BCAT1: variants seen among roughly 807,000 people sequenced by gnomAD.
BCAT1 encodes branched chain amino acid transaminase 1.
BCAT1 carries 48 observed loss-of-function variants against 52.4 expected under a neutral mutation model. The observed-to-expected ratio is 0.92, with a 90% CI of 0.73 to 1.16. BCAT1 has a LOEUF of 1.16. BCAT1 is among the 50% of genes most tolerant of loss of function. BCAT1 has a pLI of 0.00. For missense variants in BCAT1, 451 were observed against 457.1 expected (o/e 0.99, Z 0.12); for synonymous variants, 167 against 161.3 (o/e 1.04, Z -0.27).
At chr12:24,859,423 A>G (rs570107089) in intron 5 of BCAT1, among the ~76,000 whole-genome samples, 1 of 152,184 alleles carries the variant, frequency 6.6e-6, no homozygotes, top group South Asian at 2.1e-4. Context: ...GATGGAGACC[A>G]TCCTGGCTAA....
intron 9 of BCAT1, 125 bp from the exon 10 acceptor site, chr12:24,830,022 C>T (rs1203594987): frequency 1.7e-6 from 1 of 598,438 alleles, no homozygotes; most frequent in Non-Finnish European, 2.8e-6. Flanking sequence ...AGCACTAAAA[C>T]CTACTGACTC....
At chr12:24,843,260 A>ATAT (rs1941226989) in intron 6 of BCAT1, among the ~76,000 whole-genome samples, 1 of 152,130 alleles carries the variant, frequency 6.6e-6, no homozygotes, top group African/African-American at 2.4e-5. Context: ...GGTCTCTTAG[A>ATAT]CTCTTTTACA....
intron 3 of BCAT1, among the ~76,000 whole-genome samples, chr12:24,882,292 T>C (rs924675356): frequency 6.6e-6 from 1 of 151,878 alleles, no homozygotes; most frequent in African/African-American, 2.4e-5. Flanking sequence ...AACTAAACCA[T>C]AGGTCACAGA....
Position 24,907,415 on chromosome 12 carries a change from A to G in BCAT1, c.7-5530T>C, listed in dbSNP as rs186884476. Among the ~76,000 whole-genome samples the G allele has an allele frequency of 7.2e-5, 11 of 152,332 alleles. No homozygotes were observed. The East Asian group carries it at 2.1e-3, about 29-fold the overall frequency. The stretch of plus-strand genomic sequence containing the variant: ...CATGTCTGTCAGGCCTCTGAGCCCA[A>G]GCTAATCCATCATATCCCCTGTGAC... On this transcript the variant is annotated intron_variant, in intron 1 of 10. Transcript: ENST00000261192.
chr12:24,857,772 C>T (rs576048937), intron 5 of BCAT1, among the ~76,000 whole-genome samples: 27 of 152,154 alleles, frequency 1.8e-4, no homozygotes, highest in Non-Finnish European at 3.7e-4. Context: ...CATTGTGTTA[C>T]CTAATGTTTT....
chr12:24,831,103 C>T (rs1434939938), intron 9 of BCAT1, among the ~76,000 whole-genome samples: 1 of 151,260 alleles, frequency 6.6e-6, no homozygotes, highest in Non-Finnish European at 1.5e-5. Context: ...ACCAATCCCT[C>T]CTCCTCCTCC....
Position 24,834,546 on chromosome 12 carries a change from GTATTTTTTC to G in BCAT1, c.904-1692_904-1684del, listed in dbSNP as rs554198867. On this transcript the variant is annotated intron_variant, in intron 8 of 10. Transcript: ENST00000261192. ...AGAGAGGTTTAAAAAAATAAGATGA[GTATTTTTTC>G]TTAATTTATAAACCCACAAGAGATA... 150 of 971,344 alleles carry G rather than the reference GTATTTTTTC, an allele frequency of 1.5e-4. 2 individuals carry two copies. The South Asian group carries it at 5.8e-3, about 37-fold the overall frequency. 60.2% of individuals were successfully genotyped at this position (971,344 alleles called of 1,614,324 possible). A position where few individuals can be genotyped will look rare whatever the true frequency, so the allele number is the denominator to read the frequency against.
At chr12:24,856,330 C>T (rs1211875225) in intron 5 of BCAT1, among the ~76,000 whole-genome samples, 1 of 152,184 alleles carries the variant, frequency 6.6e-6, no homozygotes, top group African/African-American at 2.4e-5. Flanking sequence ...ATATGCTCTA[C>T]TGCACTACTT....
intron 1 of BCAT1, among the ~76,000 whole-genome samples, chr12:24,905,240 T>C (rs1296421247): frequency 6.6e-6 from 1 of 152,204 alleles, no homozygotes; most frequent in Non-Finnish European, 1.5e-5. Context: ...CTGACTGTCA[T>C]ACAGGTATAA....
chr12:24,846,553 T>C (rs528108310), intron 6 of BCAT1, among the ~76,000 whole-genome samples: 56 of 152,352 alleles, frequency 3.7e-4, no homozygotes, highest in African/African-American at 1.2e-3. Flanking sequence ...AATTCTATTA[T>C]GTAAAATTTA....
chr12:24,873,821 A>C (rs1156888607), intron 5 of BCAT1, among the ~76,000 whole-genome samples: 1 of 152,258 alleles, frequency 6.6e-6, no homozygotes, highest in Non-Finnish European at 1.5e-5. Context: ...ATTTCCATGC[A>C]CTGGTAGCCT....
intron 7 of BCAT1, 109 bp from the exon 8 acceptor site, chr12:24,836,705 T>C: frequency 1.1e-6 from 1 of 929,816 alleles, no homozygotes; most frequent in Non-Finnish European, 1.7e-6. Flanking sequence ...GCAACAAACA[T>C]AAAGAAAATT....
At chr12:24,919,309 A>T (rs974897319) in intron 1 of BCAT1, among the ~76,000 whole-genome samples, 5 of 152,220 alleles carry the variant, frequency 3.3e-5, no homozygotes, top group Non-Finnish European at 7.3e-5. Context: ...AGACAGTGAA[A>T]TGTCCGCAGG....
intron 1 of BCAT1, among the ~76,000 whole-genome samples, chr12:24,907,447 G>A (rs1163771036): frequency 6.6e-6 from 1 of 152,206 alleles, no homozygotes; most frequent in Admixed American, 6.5e-5. Context: ...TGACCTGCAC[G>A]TATACATCCA....
intron 5 of BCAT1, among the ~76,000 whole-genome samples, chr12:24,876,238 C>A (rs1591829874): frequency 4.3e-5 from 4 of 93,098 alleles, no homozygotes; most frequent in Non-Finnish European, 6.1e-5. Flanking sequence ...AAAACTAGAT[C>A]AAGAGGAAGA....
chr12:24,841,359 T>C (rs895492944), intron 7 of BCAT1, among the ~76,000 whole-genome samples: 1 of 152,240 alleles, frequency 6.6e-6, no homozygotes, highest in Non-Finnish European at 1.5e-5. Context: ...ATCAGTACAC[T>C]GCATTTATTA....
intron 1 of BCAT1, among the ~76,000 whole-genome samples, chr12:24,913,318 C>CA (rs1416433504): frequency 6.6e-6 from 1 of 152,118 alleles, no homozygotes; most frequent in Non-Finnish European, 1.5e-5. Flanking sequence ...GCTTATCTAC[C>CA]AAGCAGGACC....
chr12:24,913,797 G>A (rs1332406026), intron 1 of BCAT1, among the ~76,000 whole-genome samples: 1 of 152,162 alleles, frequency 6.6e-6, no homozygotes, highest in East Asian at 1.9e-4. Context: ...TCTGGGTGTG[G>A]TGCTGGACCC....
intron 6 of BCAT1, among the ~76,000 whole-genome samples, chr12:24,847,695 C>T (rs1278118687): frequency 6.6e-6 from 1 of 152,230 alleles, no homozygotes; most frequent in Non-Finnish European, 1.5e-5. Context: ...GCTGTTTCTA[C>T]AGTGCAAGAC....
Sources: allele counts gnomAD v4.1 joint callset (sites outside exome capture counted in the v4.1 genomes callset), GRCh38; gene constraint gnomAD v4.1.1; transcripts MANE v1.5; gene names NCBI Gene and HGNC (gene_info 2026-07-23, HGNC 2026-07-21).